Variants in DNAH7 observed in about 807,000 individuals in gnomAD.
The protein encoded by DNAH7 is axonemal beta dynein heavy chain 7.
In DNAH7, 397 loss-of-function variants were observed where a neutral mutation model predicts 444.6. The ratio of observed to expected loss-of-function variants is 0.89; its 90% CI spans 0.82 to 0.97. The LOEUF is 0.97. Among genes scored for constraint, DNAH7 ranks in the 50% least tolerant of loss-of-function variants. The probability of loss-of-function intolerance (pLI) is 0.00; values close to 1 mark genes in which losing one functional copy is unlikely to be tolerated. For synonymous variants in DNAH7, 1,636 were observed against 1,624.4 expected (o/e 1.01, Z -0.17); for missense variants, 4,902 against 4,800.8 (o/e 1.02, Z -0.62).
intron 9 of DNAH7, among the ~76,000 whole-genome samples, chr2:196,013,236 A>T (rs1161711451): frequency 1.3e-5 from 2 of 152,176 alleles, no homozygotes; most frequent in African/African-American, 4.8e-5. Context: ...CAATGCTTCT[A>T]GGATCCACTG....
At chr2:196,063,904 G>C (rs1698271908) in intron 1 of DNAH7, 1 of 152,208 alleles carries the variant, frequency 6.6e-6, no homozygotes, top group African/African-American at 2.4e-5. Context: ...CCAGCAGCCA[G>C]AGGACTGACT....
chr2:195,742,039 G>A (rs1040006189), intron 63 of DNAH7, among the ~76,000 whole-genome samples: 6 of 152,094 alleles, frequency 3.9e-5, no homozygotes, highest in South Asian at 2.1e-4. Context: ...AGAATACGTC[G>A]GAATATAGTA....
chr2:195,834,531 G>A (rs1430748774), intron 47 of DNAH7, 171 bp from the exon 48 acceptor site: 9 of 616,188 alleles, frequency 1.5e-5, no homozygotes, highest in Non-Finnish European at 2.2e-5. Context: ...GATTGAGTGG[G>A]CTACCTGAAC....
chr2:196,049,110 A>C (rs1383586030), intron 3 of DNAH7, among the ~76,000 whole-genome samples: 4 of 152,212 alleles, frequency 2.6e-5, no homozygotes, highest in African/African-American at 9.6e-5. Context: ...TAAAATCTAT[A>C]TATTTTTAGC....
At chr2:196,062,406 A>G (rs1698178858) in intron 1 of DNAH7, among the ~76,000 whole-genome samples, 1 of 152,224 alleles carries the variant, frequency 6.6e-6, no homozygotes, top group South Asian at 2.1e-4. Context: ...GTAGGTATGT[A>G]TTACTGAGGA....
At position 195,903,922 on chromosome 2, in the gene DNAH7, A is replaced by G. The variant is rs1247164524; in HGVS notation, c.4335+2737T>C. On this transcript the variant is annotated intron_variant, in intron 27 of 64. Transcript: ENST00000312428. ...GGACTGGTGCCTGACTCATGTCTGA[A>G]AAAGGATAGTGACCTGTGGTAGCAG... 3 of 152,238 alleles carry G rather than the reference A, an allele frequency of 2.0e-5. No homozygotes were observed. The East Asian group carries it at 5.8e-4, about 29-fold the overall frequency. The allele number at this position is 152,238 out of a possible 1,614,324, so 9.4% of individuals were successfully genotyped here.
chr2:195,998,297 G>A (rs191064878), intron 12 of DNAH7, among the ~76,000 whole-genome samples: 25 of 152,196 alleles, frequency 1.6e-4, no homozygotes, highest in Admixed American at 1.5e-3. Flanking sequence ...AGTTATGGCT[G>A]GGTGCGGTGG....
Position 195,884,607 on chromosome 2 carries a change from T to A in DNAH7, c.5741A>T (p.Tyr1914Phe), listed in dbSNP as rs201199481. ...TVPFPEKGTI[Y>F]DYQFVTEGIG... Reference sequence around the variant, plus strand: ...TACCTCAGTGACAAATTGATAATCATAAATTGTTCCTTTTTCAGGAAATGG... The same window carrying A: ...TACCTCAGTGACAAATTGATAATCAAAAATTGTTCCTTTTTCAGGAAATGG... Residue 1914 changes from tyrosine to phenylalanine, a missense_variant, in exon 35 of 65, where the codon TAT becomes TTT. Coordinates refer to ENST00000312428, the MANE Select transcript of DNAH7 (RefSeq NM_018897.3). 13 of 1,613,860 alleles carry A rather than the reference T, an allele frequency of 8.1e-6. No homozygotes were observed. Among genetic ancestry groups the A allele is most frequent in the African/African-American group, 5.3e-5 (4 of 74,928 alleles).
chr2:195,901,002 A>G (rs2125265903), intron 27 of DNAH7: 1 of 152,374 alleles, frequency 6.6e-6, no homozygotes, highest in East Asian at 1.9e-4. Context: ...AAATAAAAAG[A>G]CCATTGTAAA....
chr2:195,876,438 T>TA (rs1032276535), intron 37 of DNAH7, 106 bp downstream of exon 37: 2 of 1,174,580 alleles, frequency 1.7e-6, no homozygotes, highest in African/African-American at 1.6e-5. Context: ...TTTGTGACAT[T>TA]AAAAAACTAT....
intron 9 of DNAH7, among the ~76,000 whole-genome samples, chr2:196,014,186 C>T (rs1694878199): frequency 6.6e-6 from 1 of 152,050 alleles, no homozygotes; most frequent in African/African-American, 2.4e-5. Flanking sequence ...CAGGATAGTC[C>T]CTACAATAAC....
intron 15 of DNAH7, among the ~76,000 whole-genome samples, chr2:195,982,982 T>C (rs1177798215): frequency 6.6e-6 from 1 of 152,178 alleles, no homozygotes; most frequent in Non-Finnish European, 1.5e-5. Context: ...AAGTATGTAA[T>C]TGGATTGTCT....
intron 47 of DNAH7, among the ~76,000 whole-genome samples, chr2:195,844,774 A>T (rs894636781): frequency 4.6e-5 from 7 of 152,126 alleles, no homozygotes; most frequent in African/African-American, 2.4e-5. Flanking sequence ...AAATTAATTT[A>T]AAAAAATTAA....
chr2:195,854,124 T>C (rs1425944283), intron 45 of DNAH7, among the ~76,000 whole-genome samples: 1 of 152,150 alleles, frequency 6.6e-6, no homozygotes, highest in African/African-American at 2.4e-5. Context: ...AGCAATATGA[T>C]AACAAAAGAG....
intron 4 of DNAH7, 129 bp from the exon 5 acceptor site, chr2:196,047,628 T>TG: frequency 1.5e-6 from 1 of 682,922 alleles, no homozygotes; most frequent in Non-Finnish European, 2.0e-6. Flanking sequence ...ATCCTAAGTA[T>TG]AATTTTTTTT....
At chr2:195,762,134 G>C (rs1399654030) in intron 61 of DNAH7, among the ~76,000 whole-genome samples, 1 of 151,998 alleles carries the variant, frequency 6.6e-6, no homozygotes, top group Non-Finnish European at 1.5e-5. Context: ...GTTTCTCTTT[G>C]CTTGTTTCTT....
intron 64 of DNAH7, among the ~76,000 whole-genome samples, chr2:195,739,651 G>A (rs1692871673): frequency 6.6e-6 from 1 of 152,174 alleles, no homozygotes; most frequent in Non-Finnish European, 1.5e-5. Context: ...ACACGTGTGT[G>A]TGTATGTATA....
In DNAH7 at chr2:195,960,736, T is replaced by C. The variant is rs764985979; in HGVS notation, c.2415A>G (p.Arg805=). ...QVEADIGNYW[R]GLYKLEKTFH... Reference sequence around the variant, plus strand: ...AGGTTTTCTCCAGTTTATATAATCCTCTCCAGTAATTTCCAATATCTGCTT... The same window carrying C: ...AGGTTTTCTCCAGTTTATATAATCCCCTCCAGTAATTTCCAATATCTGCTT... Residue 805 remains arginine (R), a synonymous_variant, in exon 18 of 65, where the codon AGA becomes AGG. Coordinates refer to ENST00000312428, the MANE Select transcript of DNAH7 (RefSeq NM_018897.3). The C allele has an allele frequency of 5.0e-6, 8 of 1,614,148 alleles. No homozygotes were observed.
intron 15 of DNAH7, among the ~76,000 whole-genome samples, chr2:195,976,346 A>C (rs1574930383): frequency 6.6e-6 from 1 of 152,160 alleles, no homozygotes; most frequent in Admixed American, 6.6e-5. Context: ...CTGCTTATCA[A>C]AAGGGGAGGG....
Sources: gnomAD v4.1 joint callset for allele counts (sites outside exome capture counted in the v4.1 genomes callset) on GRCh38, gnomAD v4.1.1 for gene constraint, MANE v1.5 for transcripts, NCBI Gene and HGNC (gene_info 2026-07-23, HGNC 2026-07-21) for gene names.